The following TFPI variants were observed in gnomAD, a reference collection of about 807,000 sequenced individuals.
The protein encoded by TFPI is anti-convertin.
A neutral mutation model predicts 34.6 loss-of-function variants in TFPI; 15 were observed. That is an observed-to-expected ratio of 0.43 (90% CI 0.29 to 0.67). The LOEUF (loss-of-function observed/expected upper bound fraction) is 0.67, where lower values mean the gene tolerates loss of function less well. TFPI is among the 30% of genes least tolerant of loss of function. The pLI is 0.15. For synonymous variants in TFPI, 105 were observed against 120.1 expected (o/e 0.87, Z 0.82); for missense variants, 301 against 364.0 (o/e 0.83, Z 1.41).
At chr2:187,525,746 T>C (rs1687643708) in intron 1 of TFPI, among the ~76,000 whole-genome samples, 2 of 152,046 alleles carry the variant, frequency 1.3e-5, no homozygotes, top group African/African-American at 4.8e-5. Flanking sequence ...AGACTGAACA[T>C]CTATAAATCA....
In TFPI at chr2:187,497,038, A is replaced by G. The variant is rs759924040; in HGVS notation, c.162T>C (p.Cys54=). The G allele has an allele frequency of 1.2e-6, 2 of 1,613,252 alleles. No homozygotes were observed. Among genetic ancestry groups the G allele is most frequent in the Non-Finnish European group, 1.7e-6 (2 of 1,179,480 alleles). ...ATGGGCCATCATCCGCCTTGAATGC[A>G]CAAAATGAATGCATAAGTTTCAGTG... ...LPPLKLMHSF[C]AFKADDGPCK... The change falls in exon 3 of 8, where the codon TGT becomes TGC. Residue 54 remains cysteine (C), a synonymous_variant. Transcript: ENST00000233156.
At chr2:187,484,022 G>A in intron 6 of TFPI, 102 bp downstream of exon 6, 1 of 901,446 alleles carries the variant, frequency 1.1e-6, no homozygotes, top group Non-Finnish European at 1.7e-6. Flanking sequence ...CAACAACGCA[G>A]GTATATATAT....
intron 6 of TFPI, among the ~76,000 whole-genome samples, chr2:187,483,578 G>A (rs890232910): frequency 4.0e-5 from 6 of 151,754 alleles, no homozygotes; most frequent in Non-Finnish European, 8.8e-5. Flanking sequence ...CTGTATATTC[G>A]TTTAAATCTG....
intron 1 of TFPI, among the ~76,000 whole-genome samples, chr2:187,510,777 C>T (rs1686570080): frequency 6.6e-6 from 1 of 152,158 alleles, no homozygotes; most frequent in Non-Finnish European, 1.5e-5. Flanking sequence ...CAATCAATCA[C>T]GACCCTCTCA....
chr2:187,537,512 G>A (rs560442550), intron 1 of TFPI, among the ~76,000 whole-genome samples: 17 of 152,264 alleles, frequency 1.1e-4, no homozygotes, highest in Admixed American at 3.3e-4. Flanking sequence ...TTAATAAATC[G>A]TGTTGGGAAA....
intron 6 of TFPI, among the ~76,000 whole-genome samples, chr2:187,481,173 T>G (rs562331542): frequency 1.3e-5 from 2 of 152,226 alleles, no homozygotes; most frequent in East Asian, 3.9e-4. Context: ...TCCATTTATG[T>G]TGTGGGGCAG....
chr2:187,501,477 GATTTT>G (rs1219576570), intron 2 of TFPI, among the ~76,000 whole-genome samples: 2 of 151,946 alleles, frequency 1.3e-5, no homozygotes, highest in Admixed American at 6.6e-5. Flanking sequence ...CTAATTAAAG[GATTTT>G]ATTTTATTTT....
At chr2:187,542,049 G>C (rs1688608792) in intron 1 of TFPI, among the ~76,000 whole-genome samples, 1 of 152,166 alleles carries the variant, frequency 6.6e-6, no homozygotes, top group Non-Finnish European at 1.5e-5. Context: ...AACAGGAACA[G>C]AGGCTATGAA....
intron 4 of TFPI, among the ~76,000 whole-genome samples, chr2:187,485,220 A>AT (rs1188567894): frequency 6.6e-6 from 1 of 151,852 alleles, no homozygotes; most frequent in Non-Finnish European, 1.5e-5. Context: ...ATTAACTGTC[A>AT]TTTTTTTACA....
At chr2:187,523,479 C>T (rs1687516126) in intron 1 of TFPI, among the ~76,000 whole-genome samples, 1 of 152,100 alleles carries the variant, frequency 6.6e-6, no homozygotes, top group Non-Finnish European at 1.5e-5. Context: ...AGCCCTCCTC[C>T]ACCCCCAAAC....
rs115949475 is a variant in TFPI at position 187,552,257 on chromosome 2, A to G, written c.-3+1943T>C. ...TTCCTAAGGAATTGATAGCATATTT[A>G]CTATTTGGTTAGATGGATAGGCACT... On this transcript the variant is annotated intron_variant, in intron 1 of 7. Transcript: ENST00000233156. 2.0e-3 allele frequency among the ~76,000 whole-genome samples: 307 copies of G among 152,178 alleles called. 1 individual carries two copies. Among genetic ancestry groups the G allele is most frequent in the Non-Finnish European group, 3.6e-3 (245 of 67,934 alleles).
intron 1 of TFPI, among the ~76,000 whole-genome samples, chr2:187,545,223 C>A (rs750324910): frequency 6.6e-6 from 1 of 152,130 alleles, no homozygotes; most frequent in Non-Finnish European, 1.5e-5. Flanking sequence ...AAACTGTTCA[C>A]TGTATAGAAT....
At position 187,466,846 on chromosome 2, in the gene TFPI, A is replaced by T; in HGVS notation, c.*90T>A. The T allele has an allele frequency of 2.7e-6, 2 of 728,964 alleles. No homozygotes were observed. Among genetic ancestry groups the T allele is most frequent in the Non-Finnish European group, 4.3e-6 (2 of 465,364 alleles). The allele number at this position is 728,964 out of a possible 1,614,324, so 45.2% of individuals were successfully genotyped here. A position where few individuals can be genotyped will look rare whatever the true frequency, so the allele number is the denominator to read the frequency against. ...AGAAAATTTAATGAACATATTAATT[A>T]AAAGCATTTTAGAAGAAAAATAGAA... On this transcript the variant is annotated 3_prime_UTR_variant, in exon 8 of 8. Coordinates refer to ENST00000233156, the MANE Select transcript of TFPI (RefSeq NM_006287.6).
chr2:187,480,759 A>T (rs1467778752), intron 6 of TFPI, among the ~76,000 whole-genome samples: 3 of 152,138 alleles, frequency 2.0e-5, no homozygotes, highest in Non-Finnish European at 4.4e-5. Context: ...ACGCTCAGGG[A>T]TATGCTTACA....
chr2:187,484,312 G>A (rs1693097122), intron 5 of TFPI, 96 bp from the exon 6 acceptor site: 5 of 956,968 alleles, frequency 5.2e-6, no homozygotes, highest in Non-Finnish European at 7.9e-6. Context: ...GCAGACTTCT[G>A]GCAATTTCAT....
chr2:187,500,380 G>C (rs984408448), intron 2 of TFPI, among the ~76,000 whole-genome samples: 5 of 152,062 alleles, frequency 3.3e-5, no homozygotes, highest in Admixed American at 3.3e-4. Context: ...GTTTAAAATT[G>C]ATCCTCATAT....
intron 1 of TFPI, among the ~76,000 whole-genome samples, chr2:187,520,202 A>G (rs1369194709): frequency 6.6e-6 from 1 of 152,124 alleles, no homozygotes; most frequent in East Asian, 1.9e-4. Flanking sequence ...GTATGAAAAA[A>G]ACTCCTGCAG....
rs191879842 is a variant in TFPI at position 187,542,291 on chromosome 2, G to C, written c.-3+11909C>G. Among the ~76,000 whole-genome samples the C allele has an allele frequency of 3.9e-3, 598 of 152,036 alleles. 1 individual carries two copies. Among genetic ancestry groups the C allele is most frequent in the Non-Finnish European group, 4.8e-3 (328 of 67,958 alleles). On this transcript the variant is annotated intron_variant, in intron 1 of 7. Transcript: ENST00000233156. ...ATTAAAATGATAGGTTTTCTTGGTG[G>C]GGGATACAAATACATTTTTAAAGTG...
chr2:187,536,888 C>G (rs1463403992), intron 1 of TFPI, among the ~76,000 whole-genome samples: 1 of 152,176 alleles, frequency 6.6e-6, no homozygotes, highest in African/African-American at 2.4e-5. Context: ...TCAGCAAAGT[C>G]TCAGGATACA....
Sources: gnomAD v4.1 joint callset for allele counts (sites outside exome capture counted in the v4.1 genomes callset) on GRCh38, gnomAD v4.1.1 for gene constraint, MANE v1.5 for transcripts, NCBI Gene and HGNC (gene_info 2026-07-23, HGNC 2026-07-21) for gene names.